Variants in BCL7C observed in about 807,000 individuals in gnomAD.
BCL7C encodes B-cell CLL/lymphoma 7 protein family member C.
BCL7C carries 8 observed loss-of-function variants against 26.2 expected under a neutral mutation model. The ratio of observed to expected loss-of-function variants is 0.30; its 90% CI spans 0.18 to 0.55. The LOEUF (loss-of-function observed/expected upper bound fraction) is 0.55, where lower values mean the gene tolerates loss of function less well. BCL7C is among the 20% of genes least tolerant of loss of function. The pLI is 0.93. For missense variants in BCL7C, 262 were observed against 298.5 expected (o/e 0.88, Z 0.90); for synonymous variants, 90 against 116.5 (o/e 0.77, Z 1.47).
At chr16:30,835,063 C>A in exon 6 of BCL7C, 7 of 1,548,684 alleles carry the variant, frequency 4.5e-6, no homozygotes, top group Non-Finnish European at 6.1e-6. Flanking sequence ...TGTCCGGAGG[C>A]CCCTCCTGGG....
At chr16:30,873,145 TG>T (rs1330064534) in intron 5 of BCL7C, among the ~76,000 whole-genome samples, 49 of 151,918 alleles carry the variant, frequency 3.2e-4, no homozygotes, top group African/African-American at 1.1e-3. Context: ...TACCCAAGAG[TG>T]GTAAAAATAG....
chr16:30,861,857 C>CTTTTTT (rs35135586), intron 5 of BCL7C, among the ~76,000 whole-genome samples: 5 of 68,832 alleles, frequency 7.3e-5, no homozygotes, highest in Non-Finnish European at 1.0e-4. Flanking sequence ...GGACAACATG[C>CTTTTTT]TTTTTTTTTT....
At chr16:30,856,621 C>G (rs932813288) in intron 5 of BCL7C, among the ~76,000 whole-genome samples, 4 of 152,126 alleles carry the variant, frequency 2.6e-5, no homozygotes, top group African/African-American at 9.7e-5. Context: ...GAGCAGTTAG[C>G]CCAGTTAGCT....
At position 30,893,764 on chromosome 16, in the gene BCL7C, CG is replaced by C; in HGVS notation, c.92+88del. ...AGTGGGTGGAGATACACCGAACACC[CG>C]GGGCCCAGAGCTGGCGAGGGCAGCG... is the stretch of plus-strand genomic sequence containing the variant. On this transcript the variant is annotated intron_variant, in intron 1 of 5. Coordinates refer to ENST00000215115, the MANE Select transcript of BCL7C (RefSeq NM_004765.4). This position sits in a 1 kb window ranked among gnomAD's most constrained non-coding sequence, Gnocchi z 5.2. The C allele has an allele frequency of 1.7e-6, 2 of 1,192,626 alleles. No homozygotes were observed. The highest frequency in any genetic ancestry group is 1.8e-5 in the Admixed American group (1 of 56,642). The allele number at this position is 1,192,626 out of a possible 1,614,324, so 73.9% of individuals were successfully genotyped here.
At chr16:30,877,508 C>A (rs1162057988) in intron 5 of BCL7C, among the ~76,000 whole-genome samples, 1 of 150,892 alleles carries the variant, frequency 6.6e-6, no homozygotes, top group Non-Finnish European at 1.5e-5. Flanking sequence ...GGCACTATCT[C>A]GGCTCACTGC....
chr16:30,837,405 T>C (rs2054576664), intron 5 of BCL7C, among the ~76,000 whole-genome samples: 1 of 152,088 alleles, frequency 6.6e-6, no homozygotes, highest in Admixed American at 6.6e-5. Context: ...GCCCAGGCTG[T>C]AGTGCAATAG....
At chr16:30,860,254 C>A (rs1367392555) in intron 5 of BCL7C, among the ~76,000 whole-genome samples, 1 of 152,116 alleles carries the variant, frequency 6.6e-6, no homozygotes, top group Non-Finnish European at 1.5e-5. Flanking sequence ...GATTATTCAC[C>A]CCACATTTCA....
At chr16:30,892,264 C>A (rs2055253086) in intron 4 of BCL7C, among the ~76,000 whole-genome samples, 1 of 101,352 alleles carries the variant, frequency 9.9e-6, no homozygotes. Context: ...GAGCGAGACC[C>A]TTTCTCAAAA....
Position 30,843,084 on chromosome 16 carries a change from G to A in BCL7C, c.529-7936C>T, listed in dbSNP as rs535723288. 1.2e-4 allele frequency among the ~76,000 whole-genome samples: 18 copies of A among 152,346 alleles called. No individual in the cohort carries two copies. In the South Asian group the frequency reaches 1.9e-3, roughly 16 times the overall value. The stretch of plus-strand genomic sequence containing the variant: ...CCAAATCATGAGCAACTGCCCATGC[G>A]TTAGTATAGGTCTGTACTTCTGGCT... On this transcript the variant is annotated intron_variant, in intron 5 of 5. Coordinates refer to the BCL7C transcript ENST00000380317.
At chr16:30,881,390 C>T (rs945907121) in intron 5 of BCL7C, among the ~76,000 whole-genome samples, 28 of 78,538 alleles carry the variant, frequency 3.6e-4, no homozygotes, top group Admixed American at 1.5e-3. Context: ...AGTGAGACTC[C>T]GTCACACACA....
At chr16:30,890,605 T>C (rs986309930) in intron 4 of BCL7C, among the ~76,000 whole-genome samples, 1 of 152,250 alleles carries the variant, frequency 6.6e-6, no homozygotes, top group Non-Finnish European at 1.5e-5. Context: ...ATCCTAGCAC[T>C]TTGGGAGGCC....
chr16:30,869,509 C>CT (rs66513735), intron 5 of BCL7C, among the ~76,000 whole-genome samples: 47 of 135,378 alleles, frequency 3.5e-4, no homozygotes, highest in South Asian at 3.4e-3. Flanking sequence ...CTGGCTCTTT[C>CT]TTTTTTTTTT....
chr16:30,884,655 G>A (rs562513247), downstream of BCL7C, among the ~76,000 whole-genome samples: 8 of 151,842 alleles, frequency 5.3e-5, no homozygotes, highest in Non-Finnish European at 1.2e-4. Context: ...CCGCAACCAT[G>A]CCCAAGTAAT....
intron 5 of BCL7C, among the ~76,000 whole-genome samples, chr16:30,881,034 TAC>T (rs2055034946): frequency 6.6e-6 from 1 of 152,150 alleles, no homozygotes; most frequent in Non-Finnish European, 1.5e-5. Context: ...CTATGCATTT[TAC>T]TATATAGATA....
chr16:30,887,621 G>C (rs2055154048), downstream of BCL7C, among the ~76,000 whole-genome samples: 1 of 152,104 alleles, frequency 6.6e-6, no homozygotes, highest in South Asian at 2.1e-4. Context: ...ACAGACCTGG[G>C]AAGTACTGAG....
chr16:30,868,288 C>T (rs911518378), intron 5 of BCL7C, among the ~76,000 whole-genome samples: 169 of 148,988 alleles, frequency 1.1e-3, no homozygotes, highest in African/African-American at 3.8e-3. Context: ...CCACCCGACC[C>T]GGCTAATTTT....
chr16:30,836,319 T>C (rs1315172086), intron 5 of BCL7C, among the ~76,000 whole-genome samples: 2 of 152,014 alleles, frequency 1.3e-5, no homozygotes, highest in Non-Finnish European at 2.9e-5. Context: ...TATTAAAAAA[T>C]TAGCCCAGCA....
intron 5 of BCL7C, among the ~76,000 whole-genome samples, chr16:30,839,337 A>C (rs2054588160): frequency 2.0e-5 from 3 of 152,172 alleles, no homozygotes; most frequent in African/African-American, 7.2e-5. Context: ...TCTGGGGCAA[A>C]GAGTGGGATT....
intron 5 of BCL7C, among the ~76,000 whole-genome samples, chr16:30,877,674 C>T (rs984851982): frequency 1.4e-5 from 2 of 147,460 alleles, no homozygotes; most frequent in Non-Finnish European, 3.0e-5. Flanking sequence ...CTCCTGACCT[C>T]GTGATCCACC....
Sources: gnomAD v4.1 joint callset for allele counts (sites outside exome capture counted in the v4.1 genomes callset) on GRCh38, gnomAD v4.1.1 for gene constraint, Gnocchi (gnomAD v3.1) non-coding constraint, MANE v1.5 for transcripts, NCBI Gene and HGNC (gene_info 2026-07-23, HGNC 2026-07-21) for gene names.